RABGAP1: variants seen among roughly 807,000 people sequenced by gnomAD.
RABGAP1 encodes the protein RAB GTPase activating protein 1, also known as rab GTPase-activating protein 1.
Under a neutral mutation model 137.6 loss-of-function variants are expected in RABGAP1, and 23 were observed. The observed-to-expected ratio is 0.17, with a 90% CI of 0.12 to 0.24. The LOEUF (loss-of-function observed/expected upper bound fraction) is 0.24. Among genes scored for constraint, RABGAP1 ranks in the 10% least tolerant of loss-of-function variants. RABGAP1 has a pLI of 1.00. For synonymous variants in RABGAP1, 451 were observed against 450.7 expected, an observed-to-expected ratio of 1.00 and a Z score of -0.01; for missense variants, 906 against 1,275.8, an observed-to-expected ratio of 0.71 and a Z score of 4.42.
At chr9:123,005,969 C>T (rs2131855139) in intron 10 of RABGAP1, among the ~76,000 whole-genome samples, 1 of 152,302 alleles carries the variant, frequency 6.6e-6, no homozygotes, top group African/African-American at 2.4e-5. Context: ...AGTTTATCCT[C>T]TGCCTTTTTA....
At position 122,957,175 on chromosome 9, in the gene RABGAP1, A is replaced by G; in HGVS notation, c.116A>G (p.Asn39Ser). Residue 39 changes from asparagine (N) to serine (S), a missense_variant, in exon 2 of 26, where the codon AAT becomes AGT. By Grantham distance (46) the Asn-to-Ser change is conservative (BLOSUM62 1). This residue lies in a region of RABGAP1 where 331 missense variants were observed against 358.3 expected (regional missense o/e 0.92). Transcript: ENST00000373647. ...SRQGDETPST[N>S]NGSDDEKTGL... ...CAAGGAGATGAGACACCATCTACAAATAATGGAAGTGATGATGAGAAAACA... is the reference window on the plus strand; with the variant it reads ...CAAGGAGATGAGACACCATCTACAAGTAATGGAAGTGATGATGAGAAAACA... 1 of 1,565,930 alleles carries G rather than the reference A, an allele frequency of 6.4e-7. No individual in the cohort carries two copies.
At position 123,002,356 on chromosome 9, in the gene RABGAP1, T is replaced by TTATA. The variant is rs1554797081; in HGVS notation, c.1374+3600_1374+3603dup. On this transcript the variant is annotated intron_variant, in intron 10 of 25. Transcript: ENST00000373647. ...GAAATTAGTTGTATATATATTTTTATTATATATATATATTTTTTTTTTACT... is the reference window on the plus strand; with the variant it reads ...GAAATTAGTTGTATATATATTTTTATTATATATATATATATATTTTTTTTTTACT... Among the ~76,000 whole-genome samples the TTATA allele has an allele frequency of 8.7e-5, 5 of 57,416 alleles. No homozygotes were observed. In the East Asian group the frequency reaches 1.6e-3, roughly 18 times the overall value. 37.7% of individuals were successfully genotyped at this position (57,416 alleles called of 152,430 possible).
intron 13 of RABGAP1, among the ~76,000 whole-genome samples, chr9:123,038,028 T>C (rs1351735859): frequency 1.3e-5 from 2 of 152,338 alleles, no homozygotes; most frequent in Non-Finnish European, 2.9e-5. Context: ...AATTATTTCA[T>C]AGTAAATTTT....
chr9:122,958,819 G>A (rs1291174590), intron 2 of RABGAP1, among the ~76,000 whole-genome samples: 1 of 152,040 alleles, frequency 6.6e-6, no homozygotes, highest in African/African-American at 2.4e-5. Flanking sequence ...GACCAGCCTG[G>A]GGAACATGGC....
In RABGAP1 at chr9:123,097,840, G is replaced by A. The variant is rs1372390008; in HGVS notation, c.2728G>A (p.Ala910Thr). The change falls in exon 22 of 26, where the codon GCT (alanine) becomes ACT (threonine). Residue 910 changes from alanine to threonine, a missense_variant. Around this residue, in one of 9 missense-constraint regions of RABGAP1, gnomAD observed 193 missense variants for 248.1 expected, o/e 0.78. Transcript: ENST00000373647. Reference protein sequence around the residue: ...EEKRRLEEESAQLKEMCRREL... With the variant: ...EEKRRLEEESTQLKEMCRREL... ...GAAAAGACGGCTGGAAGAAGAGTCT[G>A]CTCAGGTAAGGGAACTCTCCCACAT... 2 of 1,612,606 alleles carry A rather than the reference G, an allele frequency of 1.2e-6. No homozygotes were observed. The highest frequency in any genetic ancestry group is 8.5e-7 in the Non-Finnish European group (1 of 1,179,486).
upstream of RABGAP1, chr9:122,939,480 T>TAA (rs10708496): frequency 6.6e-6 from 1 of 151,844 alleles, no homozygotes; most frequent in Non-Finnish European, 1.5e-5. Context: ...CCTTTTTTAT[T>TAA]AAAAAAAATT....
chr9:123,074,600 G>A (rs1459765705), intron 17 of RABGAP1, among the ~76,000 whole-genome samples, 172 bp downstream of exon 17: 1 of 152,144 alleles, frequency 6.6e-6, no homozygotes, highest in Admixed American at 6.6e-5. Flanking sequence ...GCTAATGATC[G>A]TATTTGTTAA....
At chr9:123,099,374 GCTA>G in intron 23 of RABGAP1, 101 bp from the exon 24 acceptor site, 2 of 1,087,738 alleles carry the variant, frequency 1.8e-6, no homozygotes, top group Non-Finnish European at 2.8e-6. Flanking sequence ...CAGGCTATTT[GCTA>G]CTATGTTAAT....
At chr9:122,972,014 C>T (rs1221321649) in intron 2 of RABGAP1, 1 of 152,156 alleles carries the variant, frequency 6.6e-6, no homozygotes. Context: ...GAAAATAATA[C>T]AAGGCTGAAT....
intron 10 of RABGAP1, among the ~76,000 whole-genome samples, chr9:123,008,991 T>C (rs541121398): frequency 3.9e-5 from 6 of 152,342 alleles, no homozygotes; most frequent in African/African-American, 1.4e-4. Flanking sequence ...TAATAGTAAG[T>C]AGCTAAGTCA....
rs1473210110 is a variant in RABGAP1, at chr9:123,089,814, G to C, written c.2481G>C (p.Gln827His). Residue 827 changes from glutamine (Q) to histidine (H), a missense_variant, in exon 20 of 26, where the codon CAG becomes CAC. By Grantham distance (24) the Gln-to-His change is conservative. Transcript: ENST00000373647. ...YEKEYHTMRE[Q>H]QAQQEDPIER... ...AAGAATATCACACCATGAGGGAACA[G>C]CAGGCCCAGCAAGAAGACCCCATCG... 1 of 1,613,732 alleles carries C rather than the reference G, an allele frequency of 6.2e-7. No homozygotes were observed. Among genetic ancestry groups the C allele is most frequent in the African/African-American group, 1.3e-5 (1 of 74,898 alleles).
intron 11 of RABGAP1, among the ~76,000 whole-genome samples, chr9:123,013,601 G>A (rs550521821): frequency 1.3e-5 from 2 of 152,182 alleles, no homozygotes; most frequent in African/African-American, 4.8e-5. Flanking sequence ...CCAAAGTGCT[G>A]GGATTACAGG....
intron 13 of RABGAP1, among the ~76,000 whole-genome samples, chr9:123,028,838 A>G (rs1016663689): frequency 6.6e-6 from 1 of 152,192 alleles, no homozygotes; most frequent in Non-Finnish European, 1.5e-5. Context: ...TAACATTCAT[A>G]CGCTTTGGTT....
At chr9:123,042,330 AACAG>A (rs2032991744) in intron 13 of RABGAP1, among the ~76,000 whole-genome samples, 1 of 152,182 alleles carries the variant, frequency 6.6e-6, no homozygotes, top group African/African-American at 2.4e-5. Flanking sequence ...TTTTAATATT[AACAG>A]ACAGCCAGAG....
At position 122,996,059 on chromosome 9, in the gene RABGAP1, G is replaced by C; in HGVS notation, c.942G>C (p.Lys314Asn). The change falls in exon 7 of 26, where the codon AAG (lysine) becomes AAC (asparagine). Residue 314 changes from lysine to asparagine, a missense_variant. Around this residue, in one of 9 missense-constraint regions of RABGAP1, gnomAD observed 17 missense variants for 57.4 expected, o/e 0.30. Coordinates refer to ENST00000373647, the MANE Select transcript of RABGAP1 (RefSeq NM_012197.4). Reference sequence around the variant, plus strand: ...TCTACAGTGCAGTTCCCAAAGATAAGGACAGACAGTGCTTTAAACTACGCC... The same window carrying C: ...TCTACAGTGCAGTTCCCAAAGATAACGACAGACAGTGCTTTAAACTACGCC... The part of the protein sequence containing the change: ...KGYFSAVPKD[K>N]DRQCFKLRQG... The C allele has an allele frequency of 6.2e-7, 1 of 1,610,734 alleles. No homozygotes were observed. Among genetic ancestry groups the C allele is most frequent in the Non-Finnish European group, 8.5e-7 (1 of 1,178,984 alleles).
chr9:123,016,746 A>G (rs1475903407), intron 12 of RABGAP1, among the ~76,000 whole-genome samples: 2 of 152,134 alleles, frequency 1.3e-5, no homozygotes, highest in Admixed American at 1.3e-4. Context: ...TTGGCCTGTT[A>G]CTTTGGGGTT....
At chr9:122,937,116 T>C (rs1242536416), upstream of RABGAP1, among the ~76,000 whole-genome samples, 1 of 152,200 alleles carries the variant, frequency 6.6e-6, no homozygotes, top group East Asian at 1.9e-4. Context: ...CTGGGCAACA[T>C]AGTGAGACCC....
intron 2 of RABGAP1, among the ~76,000 whole-genome samples, chr9:122,978,913 A>T (rs1835905145): frequency 6.6e-6 from 1 of 151,216 alleles, no homozygotes; most frequent in Non-Finnish European, 1.5e-5. Context: ...ACTTTATTTT[A>T]TTTTATTTTA....
chr9:123,101,756 A>T lies in RABGAP1; in HGVS notation c.3080A>T (p.Lys1027Met). The change falls in exon 25 of 26, where the codon AAG (lysine) becomes ATG (methionine). Residue 1027 changes from lysine to methionine, a missense_variant. By Grantham distance (95) the Lys-to-Met change is moderately conservative (BLOSUM62 -1). Transcript: ENST00000373647. ...TKLQLVEAEC[K>M]IQDLEHHLGL... ...CTCCAGCTGGTGGAGGCCGAGTGTA[A>T]GATACAGGTAACAGCAGCAGAGCTC... 1 of 1,606,882 alleles carries T rather than the reference A, an allele frequency of 6.2e-7. No individual in the cohort carries two copies.
Sources: gnomAD v4.1 joint callset for allele counts (sites outside exome capture counted in the v4.1 genomes callset) on GRCh38, gnomAD v4.1.1 for gene constraint, gnomAD v4.1.1 regional missense constraint, MANE v1.5 for transcripts, NCBI Gene and HGNC (gene_info 2026-07-23, HGNC 2026-07-21) for gene names.